Variants in RICTOR observed in about 807,000 individuals in gnomAD.
The protein encoded by RICTOR is RPTOR independent companion of MTOR complex 2.
Under a neutral mutation model 214.9 loss-of-function variants are expected in RICTOR, and 49 were observed. The observed-to-expected ratio is 0.23, with a 90% CI of 0.18 to 0.29. The LOEUF (loss-of-function observed/expected upper bound fraction) is 0.29. Ranked by LOEUF, RICTOR falls within the 10% of genes least tolerant of loss-of-function variation. RICTOR has a pLI of 1.00. For synonymous variants in RICTOR, 717 were observed against 711.3 expected (o/e 1.01, Z -0.13); for missense variants, 1,625 against 2,047.0 (o/e 0.79, Z 3.98).
At chr5:39,054,000 T>C (rs887531619) in intron 2 of RICTOR, among the ~76,000 whole-genome samples, 1 of 151,780 alleles carries the variant, frequency 6.6e-6, no homozygotes, top group Non-Finnish European at 1.5e-5. Context: ...AAGAATCACT[T>C]GAACCCGGGA....
intron 2 of RICTOR, among the ~76,000 whole-genome samples, chr5:39,039,732 G>A (rs1331074532): frequency 2.0e-5 from 3 of 152,154 alleles, no homozygotes; most frequent in Non-Finnish European, 4.4e-5. Flanking sequence ...ATCATCACTG[G>A]CCATCAGAGA....
chr5:38,953,493 T>C lies in RICTOR; in HGVS notation c.2758A>G (p.Ile920Val), dbSNP rs139489222. 1.3e-6 allele frequency: 2 copies of C among 1,504,376 alleles called. No homozygotes were observed. Among genetic ancestry groups the C allele is most frequent in the East Asian group, 4.9e-5 (2 of 40,446 alleles). The allele number at this position is 1,504,376 out of a possible 1,614,324, so 93.2% of individuals were successfully genotyped here. Reference protein sequence around the residue: ...RTPDLDKWEEIKKLKASLWAL... With the variant: ...RTPDLDKWEEVKKLKASLWAL... ...CAAAGAGATGCTTTCAGTTTTTTAA[T>C]TTCTTCCCACTTATCCAAATCTGGT... The change falls in exon 28 of 38, where the codon ATT (isoleucine) becomes GTT (valine). Residue 920 changes from isoleucine (I) to valine (V), a missense_variant. Ile to Val is a conservative substitution (Grantham distance 29). Coordinates refer to ENST00000357387, the MANE Select transcript of RICTOR (RefSeq NM_152756.5).
chr5:38,966,767 T>A (rs757632581), intron 14 of RICTOR, 46 bp from the exon 15 acceptor site: 1 of 1,026,636 alleles, frequency 9.7e-7, no homozygotes, highest in Non-Finnish European at 1.5e-6. Flanking sequence ...ATAATACATA[T>A]GAAAACATTT....
chr5:39,061,142 CAAT>C (rs1438430947), intron 2 of RICTOR, among the ~76,000 whole-genome samples: 1 of 152,048 alleles, frequency 6.6e-6, no homozygotes, highest in African/African-American at 2.4e-5. Context: ...AACCAGTACT[CAAT>C]AAATACTTGG....
chr5:38,942,646 C>T (rs1747713057), intron 37 of RICTOR, among the ~76,000 whole-genome samples, 187 bp downstream of exon 37: 1 of 151,076 alleles, frequency 6.6e-6, no homozygotes, highest in East Asian at 1.9e-4. Flanking sequence ...TGTGTTGACA[C>T]GGTCTCACTA....
At chr5:38,981,549 A>C (rs577261373) in intron 8 of RICTOR, 76 of 211,602 alleles carry the variant, frequency 3.6e-4, no homozygotes, top group African/African-American at 1.7e-3. Context: ...CAATGTACTA[A>C]AGGCCTTAAA....
At chr5:39,058,580 T>C (rs527332858) in intron 2 of RICTOR, among the ~76,000 whole-genome samples, 92 of 152,242 alleles carry the variant, frequency 6.0e-4, no homozygotes, top group Non-Finnish European at 9.1e-4. Context: ...GATATTTATA[T>C]ATGTATGCTC....
chr5:38,974,983 G>A (rs564829699), intron 10 of RICTOR, among the ~76,000 whole-genome samples: 5 of 152,110 alleles, frequency 3.3e-5, no homozygotes, highest in Non-Finnish European at 4.4e-5. Context: ...AAGTAATTGC[G>A]GTTTTTGCCA....
chr5:39,065,438 A>G lies in RICTOR; in HGVS notation c.97+8673T>C, dbSNP rs377160624. Among the ~76,000 whole-genome samples, 11 of 152,254 alleles carry G rather than the reference A, an allele frequency of 7.2e-5. No homozygotes were observed. The East Asian group carries it at 1.9e-3, about 27-fold the overall frequency. On this transcript the variant is annotated intron_variant, in intron 2 of 37. Transcript: ENST00000357387. Reference sequence around the variant, plus strand: ...AGATTCGGGTGGGGACAAATATCCAAACTGTATCATTCTGCCCACGGCCCC... The same window carrying G: ...AGATTCGGGTGGGGACAAATATCCAGACTGTATCATTCTGCCCACGGCCCC...
At chr5:39,033,260 CT>C (rs1554075189) in intron 2 of RICTOR, among the ~76,000 whole-genome samples, 100 of 144,400 alleles carry the variant, frequency 6.9e-4, no homozygotes, top group South Asian at 1.3e-3. Flanking sequence ...GTGTCCTACT[CT>C]TTTTTTTTTT....
chr5:39,017,518 TAGTC>T (rs1337409581), intron 3 of RICTOR, among the ~76,000 whole-genome samples: 2 of 152,020 alleles, frequency 1.3e-5, no homozygotes, highest in East Asian at 1.9e-4. Context: ...CTCCAGTACC[TAGTC>T]AATGTTTTTA....
At chr5:39,072,201 G>A (rs1220350335) in intron 2 of RICTOR, among the ~76,000 whole-genome samples, 1 of 152,136 alleles carries the variant, frequency 6.6e-6, no homozygotes, top group African/African-American at 2.4e-5. Context: ...AGGGCAAGCC[G>A]AAAACAGCAT....
intron 2 of RICTOR, among the ~76,000 whole-genome samples, chr5:39,047,299 T>C (rs1168499762): frequency 6.6e-6 from 1 of 152,162 alleles, no homozygotes; most frequent in African/African-American, 2.4e-5. Context: ...TCATCAGGCA[T>C]TAGATTCTCA....
Position 39,021,124 on chromosome 5 carries a change from T to C in RICTOR, c.110A>G (p.Asn37Ser), listed in dbSNP as rs1208527293. 2 of 1,573,728 alleles carry C rather than the reference T, an allele frequency of 1.3e-6. No individual in the cohort carries two copies. The change falls in exon 3 of 38, where the codon AAC (asparagine) becomes AGC (serine). Residue 37 changes from asparagine (N) to serine (S), a missense_variant. Physicochemically the swap from Asn to Ser is conservative, Grantham distance 46. Transcript: ENST00000357387. ...CACATTTTGGAGAATCTCTCTTAAG[T>C]TATCAGAAGGTTCTAGAAGGAAAGA... ...PLDLTREPSD[N>S]LREILQNVAR...
chr5:39,029,559 A>C (rs1400803431), intron 2 of RICTOR, among the ~76,000 whole-genome samples: 1 of 152,186 alleles, frequency 6.6e-6, no homozygotes, highest in African/African-American at 2.4e-5. Flanking sequence ...TCTGAATCCA[A>C]GTACCTATAG....
At position 38,940,763 on chromosome 5, in the gene RICTOR, A is replaced by C. The variant is rs1224767744; in HGVS notation, c.*1541T>G. The C allele has an allele frequency of 1.7e-5, 4 of 232,242 alleles. No individual in the cohort carries two copies. In the East Asian group the frequency reaches 1.8e-4, roughly 11 times the overall value. The allele number at this position is 232,242 out of a possible 1,614,324, so 14.4% of individuals were successfully genotyped here. On this transcript the variant is annotated 3_prime_UTR_variant, in exon 38 of 38. Coordinates refer to ENST00000357387, the MANE Select transcript of RICTOR (RefSeq NM_152756.5). ...CCAACTGGAACTTTCAGTTCCAGTAAATAAATTTTTTAAAAAAGTATCTCT... is the reference window on the plus strand; with the variant it reads ...CCAACTGGAACTTTCAGTTCCAGTACATAAATTTTTTAAAAAAGTATCTCT...
chr5:39,039,892 T>TC (rs1757037791), intron 2 of RICTOR, among the ~76,000 whole-genome samples: 1 of 151,952 alleles, frequency 6.6e-6, no homozygotes, highest in Non-Finnish European at 1.5e-5. Context: ...GTTCAACCAT[T>TC]GTGGAAGTCA....
At chr5:38,984,792 T>G (rs1752025194) in intron 7 of RICTOR, among the ~76,000 whole-genome samples, 1 of 152,040 alleles carries the variant, frequency 6.6e-6, no homozygotes. Context: ...ATAAGTGAGG[T>G]TGAACTTTTA....
In RICTOR at chr5:38,940,174, TACTA is replaced by T. The variant is rs1216304905; in HGVS notation, c.*2126_*2129del. On this transcript the variant is annotated 3_prime_UTR_variant, in exon 38 of 38. Transcript: ENST00000357387. The stretch of plus-strand genomic sequence containing the variant: ...AAAAAACACAAAACATTCAGGCCAA[TACTA>T]ACTAAGCCTTATTTCAGGATAGATG... The T allele has an allele frequency of 4.7e-6, 1 of 212,622 alleles. No individual in the cohort carries two copies. The highest frequency in any genetic ancestry group is 9.1e-6 in the Non-Finnish European group (1 of 109,492). The allele number at this position is 212,622 out of a possible 1,614,324, so 13.2% of individuals were successfully genotyped here. A position where few individuals can be genotyped will look rare whatever the true frequency, so the allele number is the denominator to read the frequency against.
Sources: gnomAD v4.1 joint callset for allele counts (sites outside exome capture counted in the v4.1 genomes callset) on GRCh38, gnomAD v4.1.1 for gene constraint, MANE v1.5 for transcripts, NCBI Gene and HGNC (gene_info 2026-07-23, HGNC 2026-07-21) for gene names.